Variants in CADPS observed in about 807,000 individuals in gnomAD.
CADPS encodes the protein calcium dependent secretion activator.
A neutral mutation model predicts 167.3 loss-of-function variants in CADPS; 57 were observed. The observed-to-expected ratio is 0.34, with a 90% CI of 0.28 to 0.42. CADPS has a LOEUF of 0.42. CADPS is among the 20% of genes least tolerant of loss of function. The pLI, the probability that CADPS is intolerant of heterozygous loss-of-function variation, is 1.00. For synonymous variants in CADPS, 676 were observed against 635.3 expected (o/e 1.06, Z -0.96); for missense variants, 1,414 against 1,738.1 (o/e 0.81, Z 3.32).
intron 4 of CADPS, among the ~76,000 whole-genome samples, chr3:62,660,507 G>A (rs1172342128): frequency 1.3e-5 from 2 of 152,196 alleles, no homozygotes; most frequent in African/African-American, 4.8e-5. Context: ...CTTTAAAGGT[G>A]TCCAAAAACA....
intron 21 of CADPS, among the ~76,000 whole-genome samples, chr3:62,486,152 A>C (rs2062780744): frequency 6.6e-6 from 1 of 152,202 alleles, no homozygotes; most frequent in Admixed American, 6.5e-5. Context: ...CTATTTTCAA[A>C]AAAGATATTG....
At chr3:62,407,535 A>G (rs1382980662) in intron 28 of CADPS, among the ~76,000 whole-genome samples, 3 of 152,118 alleles carry the variant, frequency 2.0e-5, no homozygotes, top group Admixed American at 2.0e-4. Context: ...GGGTAACCTC[A>G]AGGAAATTAC....
At position 62,594,457 on chromosome 3, in the gene CADPS, G is replaced by A. The variant is rs555942920; in HGVS notation, c.1326-1709C>T. 2.6e-5 allele frequency among the ~76,000 whole-genome samples: 4 copies of A among 152,172 alleles called. 1 individual carries two copies. Among genetic ancestry groups the A allele is most frequent in the African/African-American group, 7.2e-5 (3 of 41,520 alleles). ...ATTACAGGCGTGAGCCACCGCGCCC[G>A]GCCCTCATTATGATTTTTAATGATT... On this transcript the variant is annotated intron_variant, in intron 6 of 29. Transcript: ENST00000383710.
At chr3:62,582,145 T>C (rs2083548312) in intron 8 of CADPS, among the ~76,000 whole-genome samples, 2 of 152,226 alleles carry the variant, frequency 1.3e-5, no homozygotes, top group Non-Finnish European at 2.9e-5. Flanking sequence ...CAGCTATGCT[T>C]CTTAAAAATT....
At chr3:62,410,043 C>A (rs184972933) in intron 28 of CADPS, among the ~76,000 whole-genome samples, 50 of 152,276 alleles carry the variant, frequency 3.3e-4, no homozygotes, top group African/African-American at 1.2e-3. Context: ...AACACACACA[C>A]ATACATATAT....
intron 5 of CADPS, among the ~76,000 whole-genome samples, chr3:62,646,501 G>A (rs1329127141): frequency 1.3e-5 from 2 of 152,098 alleles, no homozygotes; most frequent in Non-Finnish European, 2.9e-5. Context: ...AAATAGTCTG[G>A]CTTTTGGTTC....
At position 62,458,967 on chromosome 3, in the gene CADPS, A is replaced by G. The variant is rs886202470; in HGVS notation, c.3636+6400T>C. ...TAAAGCTTCTGAAGGGTTGCTTCAG[A>G]CAGCAAGTGTGTTAATTGTTAACTC... On this transcript the variant is annotated intron_variant, in intron 26 of 29. Transcript: ENST00000383710. The surrounding 1 kb of genome is among the most constrained non-coding windows in gnomAD (Gnocchi z 4.6). 6.6e-6 allele frequency among the ~76,000 whole-genome samples: 1 copy of G among 152,208 alleles called. No homozygotes were observed. The highest frequency in any genetic ancestry group is 1.5e-5 in the Non-Finnish European group (1 of 68,044).
At chr3:62,500,628 A>T (rs2065602801) in intron 17 of CADPS, 1 of 152,168 alleles carries the variant, frequency 6.6e-6, no homozygotes, top group Non-Finnish European at 1.5e-5. Context: ...GTAGGTACAT[A>T]CATTTGCAAA....
intron 28 of CADPS, among the ~76,000 whole-genome samples, chr3:62,427,477 C>T (rs1208492269): frequency 1.3e-5 from 2 of 152,098 alleles, no homozygotes; most frequent in Non-Finnish European, 2.9e-5. Context: ...TACACTATTG[C>T]TATTTTGAGC....
intron 27 of CADPS, among the ~76,000 whole-genome samples, chr3:62,442,444 C>T (rs1438754313): frequency 6.6e-6 from 1 of 152,192 alleles, no homozygotes; most frequent in East Asian, 1.9e-4. Context: ...GTCTTGAACT[C>T]CTGAACTCAG....
intron 1 of CADPS, among the ~76,000 whole-genome samples, chr3:62,776,719 T>G (rs1559568390): frequency 6.6e-6 from 1 of 152,110 alleles, no homozygotes; most frequent in Admixed American, 6.6e-5. Flanking sequence ...TTCTGGGGGT[T>G]AGCATAGAAT....
In CADPS at chr3:62,779,157, G is replaced by A. The variant is rs2091040316; in HGVS notation, c.442-13173C>T. 2.1e-5 allele frequency: 4 copies of A among 189,282 alleles called. No individual in the cohort carries two copies. In the South Asian group the frequency reaches 5.9e-4, roughly 28 times the overall value. 11.7% of individuals were successfully genotyped at this position (189,282 alleles called of 1,614,324 possible). On this transcript the variant is annotated intron_variant, in intron 1 of 29. Coordinates refer to ENST00000383710, the MANE Select transcript of CADPS (RefSeq NM_003716.4). ...CCTACCTCGGCCCCCAAAGTGCTGG[G>A]ATTATAATAACCTCTTATGCTTTCT... is the stretch of plus-strand genomic sequence containing the variant.
At chr3:62,715,357 TCTATCTATCTATCTAC>T (rs1441298444) in intron 3 of CADPS, among the ~76,000 whole-genome samples, 12 of 149,768 alleles carry the variant, frequency 8.0e-5, no homozygotes, top group African/African-American at 2.0e-4. Context: ...GCCAGCCCTA[TCTATCTATCTATCTAC>T]CTATCTATCT....
intron 9 of CADPS, among the ~76,000 whole-genome samples, chr3:62,567,076 G>GA (rs1431177264): frequency 6.6e-6 from 1 of 152,090 alleles, no homozygotes; most frequent in Non-Finnish European, 1.5e-5. Flanking sequence ...CCCGTTGCCT[G>GA]AAAAAATCAT....
chr3:62,774,279 G>A (rs79780013), intron 1 of CADPS, among the ~76,000 whole-genome samples: 2,969 of 151,334 alleles, frequency 0.02, 87 homozygotes, highest in African/African-American at 0.068. Flanking sequence ...CCTTGAACCC[G>A]ATAACATTAA....
At chr3:62,858,532 A>G (rs971296679) in intron 1 of CADPS, among the ~76,000 whole-genome samples, 7 of 152,158 alleles carry the variant, frequency 4.6e-5, no homozygotes, top group African/African-American at 1.7e-4. Context: ...GGAATGGGGT[A>G]TAATTTTTCA....
intron 3 of CADPS, among the ~76,000 whole-genome samples, chr3:62,689,053 C>T (rs1425465760): frequency 6.6e-6 from 1 of 152,006 alleles, no homozygotes; most frequent in Non-Finnish European, 1.5e-5. Flanking sequence ...TGTTACTAGG[C>T]TGTGATTTGA....
chr3:62,711,583 A>C (rs770338084), intron 3 of CADPS, among the ~76,000 whole-genome samples: 9 of 152,244 alleles, frequency 5.9e-5, no homozygotes, highest in Non-Finnish European at 1.0e-4. Flanking sequence ...GAGAGTGATT[A>C]GCTTGGCCAG....
chr3:62,538,413 T>C (rs1326856405), intron 11 of CADPS, among the ~76,000 whole-genome samples: 3 of 152,114 alleles, frequency 2.0e-5, no homozygotes, highest in Admixed American at 2.0e-4. Flanking sequence ...CTATCGCCTT[T>C]GATAGACTCT....
Sources: gnomAD v4.1 joint callset for allele counts (sites outside exome capture counted in the v4.1 genomes callset) on GRCh38, gnomAD v4.1.1 for gene constraint, Gnocchi (gnomAD v3.1) non-coding constraint, MANE v1.5 for transcripts, NCBI Gene and HGNC (gene_info 2026-07-23, HGNC 2026-07-21) for gene names.